TMEM131L: variants seen among roughly 807,000 people sequenced by gnomAD.
TMEM131L encodes transmembrane 131 like, also known as transmembrane protein 131-like.
In TMEM131L, 54 loss-of-function variants were observed where a neutral mutation model predicts 192.2. The observed-to-expected ratio is 0.28, with a 90% CI of 0.23 to 0.35. The LOEUF is 0.35. Among genes scored for constraint, TMEM131L ranks in the 10% least tolerant of loss-of-function variants. The pLI, the probability that TMEM131L is intolerant of heterozygous loss-of-function variation, is 1.00. For missense variants in TMEM131L, 1,888 were observed against 1,972.9 expected, an observed-to-expected ratio of 0.96 and a Z score of 0.82; for synonymous variants, 701 against 704.9, an observed-to-expected ratio of 0.99 and a Z score of 0.09.
chr4:153,527,327 C>T (rs1341099176), intron 3 of TMEM131L, among the ~76,000 whole-genome samples: 2 of 150,616 alleles, frequency 1.3e-5, no homozygotes, highest in African/African-American at 5.0e-5. Context: ...GGCTGTAGTG[C>T]AGTGGTACGA....
At position 153,604,450 on chromosome 4, in the gene TMEM131L, T is replaced by A. The variant is rs777015033; in HGVS notation, c.3418+20T>A. On this transcript the variant is annotated intron_variant, in intron 25 of 34. Transcript: ENST00000409959. ...ATAATGGTAATCTTTTCATCCCCTT[T>A]GATAATTCTCTCCTGTTTGTACCCA... 4 of 1,579,724 alleles carry A rather than the reference T, an allele frequency of 2.5e-6. No homozygotes were observed. Among genetic ancestry groups the A allele is most frequent in the Non-Finnish European group, 3.4e-6 (4 of 1,165,016 alleles).
At chr4:153,470,557 C>A (rs919177757) in intron 2 of TMEM131L, among the ~76,000 whole-genome samples, 1 of 152,196 alleles carries the variant, frequency 6.6e-6, no homozygotes, top group Admixed American at 6.5e-5. Context: ...TTTATTCTTA[C>A]ATTTACAGAA....
chr4:153,557,175 G>C, intron 6 of TMEM131L, 93 bp downstream of exon 6: 1 of 681,078 alleles, frequency 1.5e-6, no homozygotes, highest in South Asian at 1.7e-5. Flanking sequence ...TGGAAATGTT[G>C]TCACCTGGTT....
At chr4:153,541,448 G>A (rs746439158) in intron 3 of TMEM131L, among the ~76,000 whole-genome samples, 52 of 152,342 alleles carry the variant, frequency 3.4e-4, no homozygotes, top group Middle Eastern at 3.4e-3. Context: ...TATCAACAAA[G>A]CTTTCAGCTG....
intron 3 of TMEM131L, among the ~76,000 whole-genome samples, chr4:153,489,891 T>C (rs531769270): frequency 9.9e-4 from 150 of 152,196 alleles, no homozygotes; most frequent in Non-Finnish European, 1.8e-3. Context: ...AAGCGACTAA[T>C]GTAACTGGTG....
At position 153,623,655 on chromosome 4, in the gene TMEM131L, G is replaced by T. The variant is rs1007546580; in HGVS notation, c.4045+572G>T. 7.9e-5 allele frequency among the ~76,000 whole-genome samples: 12 copies of T among 152,154 alleles called. 1 individual carries two copies. In the South Asian group the frequency reaches 1.2e-3, roughly 16 times the overall value. On this transcript the variant is annotated intron_variant, in intron 29 of 34. Transcript: ENST00000409959. ...TTTCAGTTAGCATAATGTCTTCAATGTTCAAAAACATTGTAGCATGTGTCA... is the reference window on the plus strand; with the variant it reads ...TTTCAGTTAGCATAATGTCTTCAATTTTCAAAAACATTGTAGCATGTGTCA...
chr4:153,593,690 G>A, intron 18 of TMEM131L, 109 bp from the exon 19 acceptor site: 1 of 723,608 alleles, frequency 1.4e-6, no homozygotes, highest in Non-Finnish European at 2.5e-6. Flanking sequence ...GTATGTGTGT[G>A]CAAATGTACT....
intron 3 of TMEM131L, among the ~76,000 whole-genome samples, chr4:153,542,927 C>A (rs1436774380): frequency 2.6e-5 from 4 of 152,172 alleles, no homozygotes; most frequent in Non-Finnish European, 5.9e-5. Context: ...CATAGGTCAT[C>A]AGCAATATGA....
At chr4:153,592,875 T>TA (rs1336207626) in intron 18 of TMEM131L, among the ~76,000 whole-genome samples, 2 of 152,346 alleles carry the variant, frequency 1.3e-5, no homozygotes, top group African/African-American at 4.8e-5. Flanking sequence ...CATATACTCC[T>TA]AATATTTAGA....
intron 21 of TMEM131L, 22 bp from the exon 22 acceptor site, chr4:153,602,130 A>G (rs781651881): frequency 1.4e-6 from 2 of 1,383,508 alleles, no homozygotes; most frequent in Admixed American, 2.3e-5. Context: ...TATACTAAAT[A>G]TCTTTTTTTG....
At chr4:153,522,562 TGGTGCCCTAC>T (rs1450190676) in intron 3 of TMEM131L, among the ~76,000 whole-genome samples, 2 of 152,176 alleles carry the variant, frequency 1.3e-5, no homozygotes, top group Non-Finnish European at 2.9e-5. Context: ...CAGAACGCTT[TGGTGCCCTAC>T]CGAGCTCTCT....
chr4:153,486,619 A>C (rs1432294358), intron 3 of TMEM131L, among the ~76,000 whole-genome samples: 2 of 152,188 alleles, frequency 1.3e-5, no homozygotes, highest in Non-Finnish European at 2.9e-5. Flanking sequence ...TCACGTTTGC[A>C]GGAGGTCTGT....
chr4:153,468,694 C>T (rs894496115), intron 2 of TMEM131L, among the ~76,000 whole-genome samples: 1 of 152,150 alleles, frequency 6.6e-6, no homozygotes, highest in Non-Finnish European at 1.5e-5. Context: ...GTTAGCATCC[C>T]TTGCCTCTAC....
chr4:153,492,030 T>G (rs1257464303), intron 3 of TMEM131L, among the ~76,000 whole-genome samples: 1 of 151,978 alleles, frequency 6.6e-6, no homozygotes, highest in Non-Finnish European at 1.5e-5. Context: ...AGATGGGGCC[T>G]TGCTCCATCA....
chr4:153,551,556 A>G (rs1434298739), intron 4 of TMEM131L, among the ~76,000 whole-genome samples: 1 of 151,978 alleles, frequency 6.6e-6, no homozygotes, highest in African/African-American at 2.4e-5. Context: ...GTGTTTTGCC[A>G]TGTTGGCCAG....
At chr4:153,517,125 A>C (rs1467522787) in intron 3 of TMEM131L, among the ~76,000 whole-genome samples, 1 of 152,176 alleles carries the variant, frequency 6.6e-6, no homozygotes, top group Non-Finnish European at 1.5e-5. Context: ...ACGCCTGGCC[A>C]GCTCATCTTT....
intron 3 of TMEM131L, among the ~76,000 whole-genome samples, chr4:153,520,905 T>C (rs1735066825): frequency 6.6e-6 from 1 of 152,256 alleles, no homozygotes; most frequent in Non-Finnish European, 1.5e-5. Context: ...GCTTTTTCAA[T>C]CAACGTCTTT....
At chr4:153,618,106 T>C (rs1733122939) in intron 26 of TMEM131L, among the ~76,000 whole-genome samples, 1 of 152,170 alleles carries the variant, frequency 6.6e-6, no homozygotes. Flanking sequence ...TTGCAGTAAG[T>C]TTGTGATTTC....
intron 9 of TMEM131L, 46 bp from the exon 10 acceptor site, chr4:153,583,144 T>C (rs1440358000): frequency 2.1e-6 from 2 of 935,112 alleles, no homozygotes. Flanking sequence ...TCTGTTTTAA[T>C]CTCTGATTAA....
Sources: gnomAD v4.1 joint callset for allele counts (sites outside exome capture counted in the v4.1 genomes callset) on GRCh38, gnomAD v4.1.1 for gene constraint, MANE v1.5 for transcripts, NCBI Gene and HGNC (gene_info 2026-07-23, HGNC 2026-07-21) for gene names.